Variants in ITFG2 observed in about 807,000 individuals in gnomAD.
ITFG2 encodes KICSTOR complex protein ITFG2.
A neutral mutation model predicts 54.4 loss-of-function variants in ITFG2; 36 were observed. The ratio of observed to expected loss-of-function variants is 0.66; its 90% CI spans 0.51 to 0.87. ITFG2 has a LOEUF of 0.87. Ranked by LOEUF, ITFG2 falls within the 40% of genes least tolerant of loss-of-function variation. The probability of loss-of-function intolerance (pLI) is 0.00; values close to 1 mark genes in which losing one functional copy is unlikely to be tolerated. For missense variants in ITFG2, 524 were observed against 576.7 expected (o/e 0.91, Z 0.94); for synonymous variants, 211 against 225.4 (o/e 0.94, Z 0.57).
downstream of ITFG2, chr12:2,826,965 A>T (rs187352921): frequency 7.5e-5 from 101 of 1,338,450 alleles, no homozygotes; most frequent in Non-Finnish European, 9.1e-5. Flanking sequence ...TGGGAGGAAG[A>T]TGAATCAGAA....
At chr12:2,840,455 CA>C (rs34247255) in intron 1 of ITFG2, among the ~76,000 whole-genome samples, 23,419 of 118,468 alleles carry the variant, frequency 0.2, 1,927 homozygotes, top group South Asian at 0.38. Flanking sequence ...GACTCTGTCT[CA>C]AAAAAAAAAA....
At chr12:2,820,467 G>A (rs762825809) in intron 5 of ITFG2, among the ~76,000 whole-genome samples, 5 of 152,108 alleles carry the variant, frequency 3.3e-5, no homozygotes, top group Admixed American at 6.5e-5. Flanking sequence ...GGAGTGGGCC[G>A]CATCAGGACC....
upstream of ITFG2, chr12:2,834,503 A>G: frequency 8.1e-7 from 1 of 1,241,470 alleles, no homozygotes; most frequent in Non-Finnish European, 1.1e-6. Context: ...AGTTGGCAGG[A>G]TGACCTCTCC....
At chr12:2,851,339 C>G (rs2153928707) in intron 2 of ITFG2, among the ~76,000 whole-genome samples, 1 of 152,144 alleles carries the variant, frequency 6.6e-6, no homozygotes, top group African/African-American at 2.4e-5. Flanking sequence ...TTTGGTGACA[C>G]TAAATTTATT....
rs954877218 is a variant in ITFG2, at chr12:2,855,303, A to G, written n.301-2709A>G. The G allele has an allele frequency of 4.6e-6, 7 of 1,528,854 alleles. No homozygotes were observed. In the East Asian group the frequency reaches 9.9e-5, roughly 22 times the overall value. 94.7% of individuals were successfully genotyped at this position (1,528,854 alleles called of 1,614,324 possible). ...GCCGCTGACGCACCTTGGACTTCAT[A>G]TCTGTGCAGGGCGGCAGCTTCAGAG... On this transcript the variant is annotated intron_variant and non_coding_transcript_variant, in intron 2 of 3. Transcript: ENST00000537710.
chr12:2,858,580 T>C lies in ITFG2; in HGVS notation n.620+249T>C, dbSNP rs905200592. On this transcript the variant is annotated intron_variant and non_coding_transcript_variant, in intron 3 of 3. Coordinates refer to the ITFG2 transcript ENST00000537710. ...CCTCACTCAGAGGCTTGGGGTGCAC[T>C]GAGCCTTGGAGTGCCCGGGATGGTG... 22 of 1,491,754 alleles carry C rather than the reference T, an allele frequency of 1.5e-5. No homozygotes were observed. In the African/African-American group the frequency reaches 2.2e-4, roughly 15 times the overall value. The allele number at this position is 1,491,754 out of a possible 1,614,324, so 92.4% of individuals were successfully genotyped here.
chr12:2,821,474 G>A, intron 7 of ITFG2, 69 bp from the exon 8 acceptor site: 1 of 1,579,996 alleles, frequency 6.3e-7, no homozygotes, highest in Non-Finnish European at 8.7e-7. Context: ...TGCTGCTGCA[G>A]AACACCCCTC....
At chr12:2,832,957 C>T (rs780230811), upstream of ITFG2, among the ~76,000 whole-genome samples, 6 of 151,886 alleles carry the variant, frequency 4.0e-5, no homozygotes, top group Non-Finnish European at 8.8e-5. Context: ...GCTGGAGAGA[C>T]TGGCTCTGCA....
At chr12:2,853,790 G>A (rs1034991998) in intron 2 of ITFG2, among the ~76,000 whole-genome samples, 1 of 152,050 alleles carries the variant, frequency 6.6e-6, no homozygotes, top group Non-Finnish European at 1.5e-5. Context: ...TTCCCAGGGT[G>A]GCCGGGAGGG....
chr12:2,840,674 T>A (rs957613579), intron 1 of ITFG2, among the ~76,000 whole-genome samples: 2 of 151,988 alleles, frequency 1.3e-5, no homozygotes. Flanking sequence ...TAGTCCCAGC[T>A]ACTCGGGAGG....
intron 1 of ITFG2, among the ~76,000 whole-genome samples, chr12:2,813,668 A>T (rs575790531): frequency 1.8e-4 from 27 of 152,154 alleles, no homozygotes; most frequent in Middle Eastern, 6.8e-3. Context: ...CATAGTTCTA[A>T]TGCAAAGCAC....
chr12:2,850,260 G>C (rs1603488599), intron 2 of ITFG2, among the ~76,000 whole-genome samples: 1 of 152,086 alleles, frequency 6.6e-6, no homozygotes, highest in South Asian at 2.1e-4. Context: ...TGGATCACAA[G>C]GTCAAGAGTT....
intron 3 of ITFG2, chr12:2,858,857 G>C (rs760422215): frequency 6.2e-6 from 10 of 1,614,154 alleles, no homozygotes; most frequent in Admixed American, 1.7e-5. Context: ...AGGGAGAAGA[G>C]TTGCCAAAGG....
At chr12:2,842,463 C>T (rs779357079) in intron 2 of ITFG2, among the ~76,000 whole-genome samples, 9 of 149,874 alleles carry the variant, frequency 6.0e-5, no homozygotes, top group Admixed American at 3.3e-4. Context: ...TGTTTTAGGC[C>T]GGGTGTGGTG....
At chr12:2,855,569 G>A (rs7138715) in intron 2 of ITFG2, 151,652 of 707,362 alleles carry the variant, frequency 0.21, 19,305 homozygotes, top group African/African-American at 0.43. Context: ...TCATGAGGAC[G>A]CAGAAGTCCT....
chr12:2,814,935 C>A (rs952505027), intron 1 of ITFG2, among the ~76,000 whole-genome samples: 4 of 152,014 alleles, frequency 2.6e-5, no homozygotes, highest in Non-Finnish European at 1.5e-5. Context: ...GATATTCTCA[C>A]CAGAAAGTCC....
chr12:2,852,096 A>G (rs1435559011), intron 2 of ITFG2, among the ~76,000 whole-genome samples: 2 of 152,132 alleles, frequency 1.3e-5, no homozygotes, highest in African/African-American at 4.8e-5. Flanking sequence ...GCTGTGGTAT[A>G]TGTGGTCTGT....
intron 4 of ITFG2, 82 bp downstream of exon 4, chr12:2,818,359 A>C (rs1184537780): frequency 1.3e-6 from 2 of 1,583,040 alleles, no homozygotes; most frequent in Admixed American, 3.5e-5. Flanking sequence ...TTGGGGTGAG[A>C]GGGAGAATCC....
Position 2,850,978 on chromosome 12 carries a change from C to CTTT in ITFG2, n.301-7012_301-7010dup, listed in dbSNP as rs35125854. On this transcript the variant is annotated intron_variant and non_coding_transcript_variant, in intron 2 of 3. Coordinates refer to the ITFG2 transcript ENST00000537710. Reference sequence around the variant, plus strand: ...TGAGCCAACACACCAGGCCCAGAGTCTTTTTTTTTTTTTTTTTTTTTTTTG... The same window carrying CTTT: ...TGAGCCAACACACCAGGCCCAGAGTCTTTTTTTTTTTTTTTTTTTTTTTTTTTG... 5.1e-3 allele frequency among the ~76,000 whole-genome samples: 413 copies of CTTT among 81,668 alleles called. 24 individuals carry two copies. The highest frequency in any genetic ancestry group is 0.019 in the African/African-American group (338 of 18,250). The allele number at this position is 81,668 out of a possible 152,430, so 53.6% of individuals were successfully genotyped here.
Sources: gnomAD v4.1 joint callset for allele counts (sites outside exome capture counted in the v4.1 genomes callset) on GRCh38, gnomAD v4.1.1 for gene constraint, MANE v1.5 for transcripts, NCBI Gene and HGNC (gene_info 2026-07-23, HGNC 2026-07-21) for gene names.